Variants in SOBP observed in about 807,000 individuals in gnomAD.
The protein encoded by SOBP is sine oculis binding protein homolog, also known as sine oculis-binding protein homolog.
In SOBP, 4 loss-of-function variants were observed where a neutral mutation model predicts 53.6. The ratio of observed to expected loss-of-function variants is 0.07; its 90% confidence interval spans 0.04 to 0.17. The LOEUF is 0.17. Among genes scored for constraint, SOBP ranks in the 10% least tolerant of loss-of-function variants. The probability of loss-of-function intolerance (pLI) is 1.00; values close to 1 mark genes in which losing one functional copy is unlikely to be tolerated. For synonymous variants in SOBP, 584 were observed against 522.6 expected, an observed-to-expected ratio of 1.12 and a Z score of -1.60; for missense variants, 1,088 against 1,204.7, an observed-to-expected ratio of 0.90 and a Z score of 1.43.
At position 107,580,356 on chromosome 6, in the gene SOBP, T is replaced by G. The variant is rs537594901; in HGVS notation, c.574-6724T>G. Among the ~76,000 whole-genome samples, 47 of 152,326 alleles carry G rather than the reference T, an allele frequency of 3.1e-4. 1 individual carries two copies. In the South Asian group the frequency reaches 6.8e-3, roughly 22 times the overall value. ...TAACTCGTATTTAAGGGTTATCCAT[T>G]CATAGAGGTAGGCAGTTCAGAGTAG... On this transcript the variant is annotated intron_variant, in intron 4 of 6. Coordinates refer to ENST00000317357, the MANE Select transcript of SOBP (RefSeq NM_018013.4).
Position 107,658,711 on chromosome 6 carries a change from GA to G in SOBP, c.*509del, listed in dbSNP as rs1772175811. 6.6e-6 allele frequency: 1 copy of G among 152,664 alleles called. No individual in the cohort carries two copies. The highest frequency in any genetic ancestry group is 2.1e-4 in the South Asian group (1 of 4,828). 9.5% of individuals were successfully genotyped at this position (152,664 alleles called of 1,614,324 possible). A position where few individuals can be genotyped will look rare whatever the true frequency, so the allele number is the denominator to read the frequency against. ...ATATTGTTCACGTTTTGATGGCGGA[GA>G]GGGGTGGTCCTGGAGGCCCAATGCT... On this transcript the variant is annotated 3_prime_UTR_variant, in exon 7 of 7. Coordinates refer to ENST00000317357, the MANE Select transcript of SOBP (RefSeq NM_018013.4).
rs114321484 is a variant in SOBP at position 107,503,319 on chromosome 6, T to C, written c.97-338T>C. ...TCTTAGCTGTTTTTGTGATTCACCT[T>C]TCAATATTTTTGTATTGATGTTGGA... On this transcript the variant is annotated intron_variant, in intron 1 of 6. Coordinates refer to ENST00000317357, the MANE Select transcript of SOBP (RefSeq NM_018013.4). Among the ~76,000 whole-genome samples, 979 of 152,372 alleles carry C rather than the reference T, an allele frequency of 6.4e-3. 12 individuals carry two copies. The highest frequency in any genetic ancestry group is 0.023 in the African/African-American group (939 of 41,584).
chr6:107,545,369 G>C (rs1784269101), intron 4 of SOBP, among the ~76,000 whole-genome samples: 1 of 152,200 alleles, frequency 6.6e-6, no homozygotes, highest in Non-Finnish European at 1.5e-5. Context: ...AGGTCCCTAG[G>C]CAAGACAATC....
chr6:107,626,462 A>G (rs1450904603), intron 5 of SOBP, among the ~76,000 whole-genome samples: 1 of 152,236 alleles, frequency 6.6e-6, no homozygotes, highest in Non-Finnish European at 1.5e-5. Context: ...CTTAAGCTTC[A>G]GTTTGAAGCA....
At chr6:107,640,718 C>T (rs1166501618) in intron 6 of SOBP, among the ~76,000 whole-genome samples, 2 of 152,162 alleles carry the variant, frequency 1.3e-5, no homozygotes, top group African/African-American at 4.8e-5. Flanking sequence ...TATATGATGT[C>T]AATCAGGTTA....
At chr6:107,584,379 A>G (rs1253440431) in intron 4 of SOBP, among the ~76,000 whole-genome samples, 2 of 152,208 alleles carry the variant, frequency 1.3e-5, no homozygotes, top group Admixed American at 6.5e-5. Flanking sequence ...ACACATTAAA[A>G]ATTTCACAAT....
intron 1 of SOBP, among the ~76,000 whole-genome samples, chr6:107,502,884 C>T (rs1444525379): frequency 6.6e-6 from 1 of 152,026 alleles, no homozygotes; most frequent in Non-Finnish European, 1.5e-5. Flanking sequence ...CCTCAGCCTC[C>T]CGAGTAGTTG....
intron 5 of SOBP, among the ~76,000 whole-genome samples, chr6:107,627,416 G>T (rs961506877): frequency 6.6e-6 from 1 of 152,192 alleles, no homozygotes; most frequent in African/African-American, 2.4e-5. Context: ...GAGAAGGAAG[G>T]ATCTGCTCCT....
In SOBP at chr6:107,569,199, C is replaced by T. The variant is rs115578783; in HGVS notation, c.574-17881C>T. Among the ~76,000 whole-genome samples, 673 of 152,236 alleles carry T rather than the reference C, an allele frequency of 4.4e-3. 9 individuals carry two copies. Among genetic ancestry groups the T allele is most frequent in the African/African-American group, 0.015 (619 of 41,524 alleles). ...AAACACTTAGGAAGTGAAAATGATG[C>T]CAGTGACTCTCTAAGGGCAGTGGCA... On this transcript the variant is annotated intron_variant, in intron 4 of 6. Transcript: ENST00000317357.
At chr6:107,507,188 TCAA>T (rs1783021259) in intron 3 of SOBP, among the ~76,000 whole-genome samples, 1 of 152,184 alleles carries the variant, frequency 6.6e-6, no homozygotes, top group African/African-American at 2.4e-5. Context: ...GGCTTGGTCT[TCAA>T]CACGCTTTCC....
chr6:107,554,710 G>C (rs900077789), intron 4 of SOBP, among the ~76,000 whole-genome samples: 1 of 152,188 alleles, frequency 6.6e-6, no homozygotes, highest in Admixed American at 6.5e-5. Flanking sequence ...TCAAGGAAAA[G>C]CAACATTGCC....
intron 3 of SOBP, among the ~76,000 whole-genome samples, chr6:107,523,669 C>T (rs370735216): frequency 9.2e-5 from 14 of 152,308 alleles, no homozygotes; most frequent in South Asian, 2.1e-4. Flanking sequence ...GCTGGAGCAG[C>T]GAGGAGGGAC....
rs372712206 is a variant in SOBP, at chr6:107,633,949, C to T, written c.1105C>T (p.Pro369Ser). ...PNIPPVSVQP[P>S]ASIGPPLGVP... ...TATCCCTCCTGTCTCCGTCCAGCCA[C>T]CTGCTAGCATCGGGCCTCCCCTTGG... Residue 369 changes from proline (P) to serine (S), a missense_variant, in exon 6 of 7, where the codon CCT becomes TCT. By Grantham distance (74) the Pro-to-Ser change is moderately conservative. This residue lies in a region of SOBP where 211 missense variants were observed against 258.9 expected (regional missense o/e 0.82). Coordinates refer to ENST00000317357, the MANE Select transcript of SOBP (RefSeq NM_018013.4). 3.7e-6 allele frequency: 6 copies of T among 1,614,118 alleles called. No individual in the cohort carries two copies. The African/African-American group carries it at 6.7e-5, about 18-fold the overall frequency.
rs776414785 is a variant in SOBP, at chr6:107,633,724, C to T, written c.880C>T (p.Leu294=). Residue 294 remains leucine, a synonymous_variant, in exon 6 of 7, where the codon CTG becomes TTG. Coordinates refer to ENST00000317357, the MANE Select transcript of SOBP (RefSeq NM_018013.4). The part of the protein sequence containing the change: ...ENKAEGTGVQ[L]LTPDSWNIPL... ...TAAAGCAGAAGGCACCGGGGTGCAGCTGCTCACTCCAGACTCTTGGAATAT... is the reference window on the plus strand; with the variant it reads ...TAAAGCAGAAGGCACCGGGGTGCAGTTGCTCACTCCAGACTCTTGGAATAT... The T allele has an allele frequency of 2.1e-5, 34 of 1,614,138 alleles. No individual in the cohort carries two copies. The highest frequency in any genetic ancestry group is 2.8e-5 in the Non-Finnish European group (33 of 1,180,054).
chr6:107,611,423 T>C (rs1045088981), intron 5 of SOBP, among the ~76,000 whole-genome samples: 20 of 152,182 alleles, frequency 1.3e-4, no homozygotes, highest in Non-Finnish European at 1.6e-4. Flanking sequence ...GGAGTAAGAG[T>C]GCAAACCATG....
chr6:107,619,636 A>G (rs1273865977), intron 5 of SOBP, among the ~76,000 whole-genome samples: 1 of 152,114 alleles, frequency 6.6e-6, no homozygotes, highest in Non-Finnish European at 1.5e-5. Flanking sequence ...TTAGGAATAG[A>G]CAAGAACCTG....
chr6:107,508,316 C>T (rs917576813), intron 3 of SOBP, among the ~76,000 whole-genome samples: 2 of 152,180 alleles, frequency 1.3e-5, no homozygotes. Flanking sequence ...CAGCCTGGCA[C>T]ACCTGTAATC....
chr6:107,534,461 A>C (rs1783931563), intron 4 of SOBP, among the ~76,000 whole-genome samples: 1 of 152,212 alleles, frequency 6.6e-6, no homozygotes, highest in Non-Finnish European at 1.5e-5. Flanking sequence ...TAATTCATAA[A>C]ATCTTTACTA....
chr6:107,498,150 C>T (rs972828285), intron 1 of SOBP, among the ~76,000 whole-genome samples: 6 of 152,114 alleles, frequency 3.9e-5, no homozygotes, highest in Non-Finnish European at 5.9e-5. Context: ...ATTAAAGGTT[C>T]CTACCCTCAA....
Sources: allele counts gnomAD v4.1 joint callset (sites outside exome capture counted in the v4.1 genomes callset), GRCh38; gene constraint gnomAD v4.1.1; regional missense constraint gnomAD v4.1.1; transcripts MANE v1.5; gene names NCBI Gene and HGNC (gene_info 2026-07-23, HGNC 2026-07-21).